Variants in BTNL2 observed in about 807,000 individuals in gnomAD.
BTNL2 encodes the protein butyrophilin-like protein 2.
In BTNL2, 46 loss-of-function variants were observed where a neutral mutation model predicts 46.8. The ratio of observed to expected loss-of-function variants is 0.98; its 90% CI spans 0.78 to 1.26. The LOEUF (loss-of-function observed/expected upper bound fraction) is 1.26. Among genes scored for constraint, BTNL2 ranks in the 50% most tolerant of loss-of-function variants. BTNL2 has a pLI of 0.00. For missense variants in BTNL2, 461 were observed against 592.6 expected, an observed-to-expected ratio of 0.78 and a Z score of 2.31; for synonymous variants, 226 against 229.1, an observed-to-expected ratio of 0.99 and a Z score of 0.12.
Position 32,394,017 on chromosome 6 carries a change from C to G in BTNL2, c.1401G>C (p.Trp467Cys), listed in dbSNP as rs1387596560. The change falls in exon 7 of 8, where the codon TGG (tryptophan) becomes TGC (cysteine). Residue 467 changes from tryptophan (W) to cysteine (C), a missense_variant. Transcript: ENST00000454136. This position sits in a 1 kb window ranked among gnomAD's most constrained non-coding sequence, Gnocchi z 4.6. ...CTACAGCCACAGCAAGAAGCAATCC[C>G]CAAACAAGCAGTGTTTTCCACAAAA... ...MTFLWKTLLV[W>C]GLLLAVAVGL... The G allele has an allele frequency of 6.5e-7, 1 of 1,550,286 alleles. No individual in the cohort carries two copies. The highest frequency in any genetic ancestry group is 2.0e-5 in the Admixed American group (1 of 51,006).
intron 3 of BTNL2, among the ~76,000 whole-genome samples, chr6:32,402,541 A>G (rs59506838): frequency 0.011 from 1,738 of 152,136 alleles, 63 homozygotes; most frequent in East Asian, 0.1. Context: ...AAATAAGGCC[A>G]TAATTAATAT....
rs181537383 is a variant in BTNL2 at position 32,394,102 on chromosome 6, C to T, written c.1361-45G>A. On this transcript the variant is annotated intron_variant, in intron 6 of 7. Coordinates refer to ENST00000454136, the MANE Select transcript of BTNL2 (RefSeq NM_001304561.2). This position sits in a 1 kb window ranked among gnomAD's most constrained non-coding sequence, Gnocchi z 4.6. Reference sequence around the variant, plus strand: ...ATCCCTTGAAACTGTGAAACTGGGACAATATTAAGATTGTACTTTTCATCT... The same window carrying T: ...ATCCCTTGAAACTGTGAAACTGGGATAATATTAAGATTGTACTTTTCATCT... 1 of 1,546,490 alleles carries T rather than the reference C, an allele frequency of 6.5e-7. No individual in the cohort carries two copies. The highest frequency in any genetic ancestry group is 2.0e-5 in the Admixed American group (1 of 50,812).
rs1348527431 is a variant in BTNL2 at position 32,401,773 on chromosome 6, C to T, written c.730+12G>A. On this transcript the variant is annotated intron_variant, in intron 4 of 7. Coordinates refer to ENST00000454136, the MANE Select transcript of BTNL2 (RefSeq NM_001304561.2). Reference sequence around the variant, plus strand: ...CTCCCTCCACAGGTGTGTGCCAGCACCTCGTACTTACCCAGCTCAGTCTGG... The same window carrying T: ...CTCCCTCCACAGGTGTGTGCCAGCATCTCGTACTTACCCAGCTCAGTCTGG... 1.2e-6 allele frequency: 2 copies of T among 1,611,646 alleles called. No individual in the cohort carries two copies. The highest frequency in any genetic ancestry group is 8.5e-7 in the Non-Finnish European group (1 of 1,178,726).
At chr6:32,403,992 T>C (rs1776956472) in intron 2 of BTNL2, among the ~76,000 whole-genome samples, 1 of 152,220 alleles carries the variant, frequency 6.6e-6, no homozygotes, top group Non-Finnish European at 1.5e-5. Context: ...GACTTATTTG[T>C]AAATGTTCCT....
rs760423929 is a variant in BTNL2 at position 32,394,811 on chromosome 6, C to T, written c.1293G>A (p.Val431=). The change falls in exon 6 of 8, where the codon GTG becomes GTA. Residue 431 remains valine (V), a synonymous_variant. Coordinates refer to ENST00000454136, the MANE Select transcript of BTNL2 (RefSeq NM_001304561.2). The surrounding 1 kb of genome is among the most constrained non-coding windows in gnomAD (Gnocchi z 4.6). ...GGATGCTGATGGAACAAGTGACGTCCACAGCGGAGATGTTTGTGACCCTTA... is the reference window on the plus strand; with the variant it reads ...GGATGCTGATGGAACAAGTGACGTCTACAGCGGAGATGTTTGTGACCCTTA... ...TLLRVTNISA[V]DVTCSISIPF... 3 of 1,614,210 alleles carry T rather than the reference C, an allele frequency of 1.9e-6. No homozygotes were observed. Among genetic ancestry groups the T allele is most frequent in the Non-Finnish European group, 2.5e-6 (3 of 1,180,036 alleles).
At chr6:32,402,583 A>T (rs894120286) in intron 3 of BTNL2, among the ~76,000 whole-genome samples, 5 of 152,198 alleles carry the variant, frequency 3.3e-5, no homozygotes, top group African/African-American at 1.2e-4. Context: ...TACATCTCTG[A>T]TTATCTTCAT....
rs973933074 is a variant in BTNL2, at chr6:32,405,526, T to C, written c.80-240A>G. 7.1e-6 allele frequency: 4 copies of C among 564,410 alleles called. No homozygotes were observed. In the African/African-American group the frequency reaches 7.5e-5, roughly 11 times the overall value. The allele number at this position is 564,410 out of a possible 1,614,324, so 35.0% of individuals were successfully genotyped here. A position where few individuals can be genotyped will look rare whatever the true frequency, so the allele number is the denominator to read the frequency against. On this transcript the variant is annotated intron_variant, in intron 1 of 7. Transcript: ENST00000454136. ...AGGTTGCTGTCTGTCACCTACCAGC[T>C]ATGTGATTCGGTGGCAAATCTATTA...
Position 32,403,211 on chromosome 6 carries a change from C to G in BTNL2, c.433G>C (p.Gly145Arg), listed in dbSNP as rs141591068. ...TCCATGTGGATGCTAGGGGCAGACC[C>G]CAGACCTGCAGAGGGAAGCCACAGC... Reference protein sequence around the residue: ...TSLLLKVAGLGSAPSIHMEGP... With the variant: ...TSLLLKVAGLRSAPSIHMEGP... Residue 145 changes from glycine (G) to arginine (R), a missense_variant, in exon 3 of 8, where the codon GGG becomes CGG. Gly to Arg is a moderately radical substitution (Grantham distance 125, BLOSUM62 -2). Transcript: ENST00000454136. 44 of 1,603,936 alleles carry G rather than the reference C, an allele frequency of 2.7e-5. No homozygotes were observed. Among genetic ancestry groups the G allele is most frequent in the Admixed American group, 2.0e-4 (12 of 58,664 alleles).
rs1397513000 is a variant in BTNL2 at position 32,405,820 on chromosome 6, T to TTTG, written c.80-535_80-534insCAA. Among the ~76,000 whole-genome samples, 569 of 140,620 alleles carry TTTG rather than the reference T, an allele frequency of 4.0e-3. 15 individuals are homozygous for TTTG. Among genetic ancestry groups the TTTG allele is most frequent in the Admixed American group, 0.037 (512 of 14,026 alleles). The allele number at this position is 140,620 out of a possible 152,430, so 92.3% of individuals were successfully genotyped here. A position where few individuals can be genotyped will look rare whatever the true frequency, so the allele number is the denominator to read the frequency against. ...GATATAAAAACTGTTTTTTTTTTGT[T>TTTG]TTTTTTTTGTTTGTTTTTTTCCCGT... On this transcript the variant is annotated intron_variant, in intron 1 of 7. Transcript: ENST00000454136.
chr6:32,404,841 T>TTGA, intron 2 of BTNL2, 98 bp downstream of exon 2: 1 of 1,188,128 alleles, frequency 8.4e-7, no homozygotes, highest in Non-Finnish European at 1.2e-6. Flanking sequence ...AGGAATTACC[T>TTGA]TGATGATTCA....
At chr6:32,404,561 G>C (rs1399408182) in intron 2 of BTNL2, among the ~76,000 whole-genome samples, 2 of 152,152 alleles carry the variant, frequency 1.3e-5, no homozygotes, top group Non-Finnish European at 2.9e-5. Context: ...GATGGGATTG[G>C]GTAGAGAAAA....
At position 32,400,910 on chromosome 6, in the gene BTNL2, CT is replaced by C. The variant is rs1335961975; in HGVS notation, c.730+874del. On this transcript the variant is annotated intron_variant, in intron 4 of 7. Coordinates refer to ENST00000454136, the MANE Select transcript of BTNL2 (RefSeq NM_001304561.2). Reference sequence around the variant, plus strand: ...CTTGGGCAACAGAGCGAGACTCCGTCTCAAAAAAAAAAAAAATGCCCGGCGT... The same window carrying C: ...CTTGGGCAACAGAGCGAGACTCCGTCCAAAAAAAAAAAAAATGCCCGGCGT... Among the ~76,000 whole-genome samples, 65 of 85,766 alleles carry C rather than the reference CT, an allele frequency of 7.6e-4. 2 individuals carry two copies. Among genetic ancestry groups the C allele is most frequent in the Admixed American group, 1.2e-3 (10 of 8,414 alleles). The allele number at this position is 85,766 out of a possible 152,430, so 56.3% of individuals were successfully genotyped here.
chr6:32,405,547 T>A, intron 1 of BTNL2: 1 of 498,960 alleles, frequency 2.0e-6, no homozygotes. Flanking sequence ...GTGGCAAATC[T>A]ATTACTCTTG....
chr6:32,403,206 A>G lies in BTNL2; in HGVS notation c.438T>C (p.Ser146=). 1 of 1,605,976 alleles carries G rather than the reference A, an allele frequency of 6.2e-7. No individual in the cohort carries two copies. The highest frequency in any genetic ancestry group is 8.5e-7 in the Non-Finnish European group (1 of 1,176,124). Reference sequence around the variant, plus strand: ...GTCCCTCCATGTGGATGCTAGGGGCAGACCCCAGACCTGCAGAGGGAAGCC... The same window carrying G: ...GTCCCTCCATGTGGATGCTAGGGGCGGACCCCAGACCTGCAGAGGGAAGCC... ...SLLLKVAGLG[S]APSIHMEGPG... Residue 146 remains serine, a synonymous_variant, in exon 3 of 8, where the codon TCT becomes TCC. Coordinates refer to ENST00000454136, the MANE Select transcript of BTNL2 (RefSeq NM_001304561.2).
chr6:32,400,912 C>CAAAA (rs760395296), intron 4 of BTNL2, among the ~76,000 whole-genome samples: 66 of 93,822 alleles, frequency 7.0e-4, no homozygotes, highest in African/African-American at 2.3e-3. Flanking sequence ...GACTCCGTCT[C>CAAAA]AAAAAAAAAA....
Position 32,394,843 on chromosome 6 carries a change from T to C in BTNL2, c.1261A>G (p.Thr421Ala), listed in dbSNP as rs757401106. Reference protein sequence around the residue: ...QGSHGLFHVQTLLRVTNISAV... With the variant: ...QGSHGLFHVQALLRVTNISAV... ...GAGATGTTTGTGACCCTTAGCAATGTCTGCACGTGGAACAGCCCGTGGCTG... is the reference window on the plus strand; with the variant it reads ...GAGATGTTTGTGACCCTTAGCAATGCCTGCACGTGGAACAGCCCGTGGCTG... The change falls in exon 6 of 8, where the codon ACA (threonine) becomes GCA (alanine). Residue 421 changes from threonine (T) to alanine (A), a missense_variant. Coordinates refer to ENST00000454136, the MANE Select transcript of BTNL2 (RefSeq NM_001304561.2). This position sits in a 1 kb window ranked among gnomAD's most constrained non-coding sequence, Gnocchi z 4.6. 37 of 1,614,118 alleles carry C rather than the reference T, an allele frequency of 2.3e-5. No individual in the cohort carries two copies. Among genetic ancestry groups the C allele is most frequent in the Middle Eastern group, 1.6e-4 (1 of 6,084 alleles).
At chr6:32,406,571 C>T (rs191967975) in intron 1 of BTNL2, 9 of 152,042 alleles carry the variant, frequency 5.9e-5, no homozygotes, top group Non-Finnish European at 1.2e-4. Context: ...AACATTTTGA[C>T]GTCAAAATTC....
intron 3 of BTNL2, among the ~76,000 whole-genome samples, chr6:32,402,098 T>C (rs1776821317): frequency 6.6e-6 from 1 of 152,218 alleles, no homozygotes; most frequent in Non-Finnish European, 1.5e-5. Context: ...TAACATATGT[T>C]CCTTTTATAG....
intron 3 of BTNL2, 45 bp from the exon 4 acceptor site, chr6:32,401,850 G>A (rs1181370047): frequency 1.3e-6 from 2 of 1,551,914 alleles, no homozygotes; most frequent in African/African-American, 2.7e-5. Context: ...TTGGTGTAAG[G>A]GAAAGGAGAG....
Sources: gnomAD v4.1 joint callset for allele counts (sites outside exome capture counted in the v4.1 genomes callset) on GRCh38, gnomAD v4.1.1 for gene constraint, Gnocchi (gnomAD v3.1) non-coding constraint, MANE v1.5 for transcripts, NCBI Gene and HGNC (gene_info 2026-07-23, HGNC 2026-07-21) for gene names.